The following UBR3 variants were observed in gnomAD, a reference collection of about 807,000 sequenced individuals.
UBR3 encodes the protein E3 ubiquitin-protein ligase UBR3.
In UBR3, 85 loss-of-function variants were observed where a neutral mutation model predicts 243.2. The observed-to-expected ratio is 0.35, with a 90% CI of 0.29 to 0.42. UBR3 has a LOEUF of 0.42. UBR3 is among the 10% of genes least tolerant of loss of function. UBR3 has a pLI of 1.00. For missense variants in UBR3, 1,686 were observed against 2,300.8 expected (o/e 0.73, Z 5.47); for synonymous variants, 748 against 799.8 (o/e 0.94, Z 1.09).
chr2:170,055,343 T>G (rs2091309750), intron 32 of UBR3, 117 bp from the exon 33 acceptor site: 1 of 1,207,506 alleles, frequency 8.3e-7, no homozygotes, highest in Non-Finnish European at 1.2e-6. Flanking sequence ...AAAAAAACTA[T>G]TAAGTGTTGA....
At chr2:169,830,806 T>G (rs2105274509) in intron 1 of UBR3, among the ~76,000 whole-genome samples, 1 of 152,152 alleles carries the variant, frequency 6.6e-6, no homozygotes, top group South Asian at 2.1e-4. Flanking sequence ...TTGGACTGGG[T>G]TAGCATTTAG....
At chr2:169,914,872 GTT>G (rs202002809) in intron 11 of UBR3, among the ~76,000 whole-genome samples, 14,636 of 56,438 alleles carry the variant, frequency 0.26, 889 homozygotes, top group Middle Eastern at 0.36. Flanking sequence ...GTGTGTGTGT[GTT>G]TTTTTTCCTT....
chr2:170,078,094 C>T, intron 36 of UBR3: 1 of 650,452 alleles, frequency 1.5e-6, no homozygotes. Flanking sequence ...TCTTTTCATG[C>T]ATCTTGATGG....
chr2:169,908,495 A>C (rs2085106455), intron 10 of UBR3, among the ~76,000 whole-genome samples: 1 of 152,214 alleles, frequency 6.6e-6, no homozygotes, highest in African/African-American at 2.4e-5. Context: ...TTTATTCAAA[A>C]AATATATGCC....
chr2:169,906,645 A>C lies in UBR3; in HGVS notation c.1779+481A>C, dbSNP rs115326827. 7.8e-3 allele frequency among the ~76,000 whole-genome samples: 1,183 copies of C among 152,226 alleles called. 13 individuals carry two copies. Among genetic ancestry groups the C allele is most frequent in the African/African-American group, 0.026 (1,069 of 41,540 alleles). ...GGAATCCCCTGACCCTATTAAACTA[A>C]AGACTTGACTAAAATTTTGATAATA... On this transcript the variant is annotated intron_variant, in intron 10 of 38. Coordinates refer to ENST00000272793, the MANE Select transcript of UBR3 (RefSeq NM_172070.4).
intron 1 of UBR3, among the ~76,000 whole-genome samples, chr2:169,858,679 A>G (rs1038653699): frequency 2.9e-4 from 44 of 152,028 alleles, no homozygotes; most frequent in Admixed American, 2.6e-3. Context: ...AGCTCACTAC[A>G]ACTTTTGCCT....
At chr2:169,904,858 A>G (rs56323040) in intron 8 of UBR3, among the ~76,000 whole-genome samples, 64,259 of 152,054 alleles carry the variant, frequency 0.42, 15,192 homozygotes, top group Non-Finnish European at 0.54. Flanking sequence ...AATAATTACT[A>G]TAATGATATA....
At chr2:170,078,009 T>C (rs560101730) in intron 36 of UBR3, 1 of 676,142 alleles carries the variant, frequency 1.5e-6, no homozygotes, top group Non-Finnish European at 2.8e-6. Flanking sequence ...GTACGTTAGC[T>C]TGAGGTTGTC....
intron 23 of UBR3, among the ~76,000 whole-genome samples, chr2:169,953,612 T>G (rs1280014801): frequency 6.6e-6 from 1 of 152,244 alleles, no homozygotes; most frequent in Non-Finnish European, 1.5e-5. Context: ...TAATCTCGAT[T>G]AAGAAAACAT....
intron 1 of UBR3, among the ~76,000 whole-genome samples, chr2:169,845,537 T>G (rs1386914380): frequency 2.8e-4 from 42 of 149,222 alleles, no homozygotes; most frequent in Middle Eastern, 3.6e-3. Flanking sequence ...CGTCGTCTTC[T>G]TCTTCTTCTT....
rs1251786542 is a variant in UBR3, at chr2:169,923,933, C to G, written c.1871C>G (p.Ala624Gly). 6.5e-7 allele frequency: 1 copy of G among 1,545,498 alleles called. No individual in the cohort carries two copies. The highest frequency in any genetic ancestry group is 2.5e-5 in the East Asian group (1 of 40,784). The change falls in exon 12 of 39, where the codon GCA becomes GGA. Residue 624 changes from alanine (A) to glycine (G), a missense_variant. Physicochemically the swap from Ala to Gly is moderately conservative, Grantham distance 60. This residue lies in a region of UBR3 where 346 missense variants were observed against 585.8 expected (regional missense o/e 0.59). Transcript: ENST00000272793. ...FDAINFVDEPAPNQVTFHLPL... is the reference protein window; with the variant it reads ...FDAINFVDEPGPNQVTFHLPL... Reference sequence around the variant, plus strand: ...CATTTTGTTTGTTTATTCCAGCCAGCACCTAACCAAGTCACTTTTCATCTG... The same window carrying G: ...CATTTTGTTTGTTTATTCCAGCCAGGACCTAACCAAGTCACTTTTCATCTG...
At chr2:169,928,007 G>A (rs969683268) in intron 17 of UBR3, among the ~76,000 whole-genome samples, 19 of 152,094 alleles carry the variant, frequency 1.2e-4, no homozygotes, top group Non-Finnish European at 4.4e-5. Flanking sequence ...AATTCTGGCC[G>A]AATTTAGTAT....
chr2:170,052,846 C>T (rs1003789201), intron 32 of UBR3, among the ~76,000 whole-genome samples: 2 of 152,172 alleles, frequency 1.3e-5, no homozygotes, highest in African/African-American at 4.8e-5. Flanking sequence ...TCTCAGTGCA[C>T]ACACATACAC....
chr2:170,024,096 G>A (rs2090463131), intron 30 of UBR3, among the ~76,000 whole-genome samples: 2 of 152,102 alleles, frequency 1.3e-5, no homozygotes, highest in South Asian at 2.1e-4. Context: ...TTTCTTGCAT[G>A]TTTAGAAATA....
chr2:169,884,278 G>A (rs186998958), intron 5 of UBR3, among the ~76,000 whole-genome samples: 1,773 of 150,898 alleles, frequency 0.012, 50 homozygotes, highest in African/African-American at 0.04. Context: ...TCAGCCTCCC[G>A]AGTAGCTGGG....
At chr2:170,074,808 C>T (rs1371068048) in intron 36 of UBR3, among the ~76,000 whole-genome samples, 1 of 151,986 alleles carries the variant, frequency 6.6e-6, no homozygotes, top group Non-Finnish European at 1.5e-5. Flanking sequence ...TTGCCATGTT[C>T]ATTACATTTG....
At chr2:169,920,210 G>T (rs1031497057) in intron 11 of UBR3, among the ~76,000 whole-genome samples, 1 of 152,060 alleles carries the variant, frequency 6.6e-6, no homozygotes, top group African/African-American at 2.4e-5. Context: ...GCAAACTATT[G>T]CAAGGACAAA....
rs184887898 is a variant in UBR3, at chr2:170,059,764, C to T, written c.4786-1315C>T. On this transcript the variant is annotated intron_variant, in intron 33 of 38. Coordinates refer to ENST00000272793, the MANE Select transcript of UBR3 (RefSeq NM_172070.4). ...ATACTACATGGCTGAGTGAATATGG[C>T]GGAAAGCACAGGAGCAATTTAAAGA... 1.2e-3 allele frequency among the ~76,000 whole-genome samples: 186 copies of T among 151,762 alleles called. 3 individuals carry two copies. Among genetic ancestry groups the T allele is most frequent in the Non-Finnish European group, 3.2e-4 (22 of 67,946 alleles).
At chr2:169,858,239 G>T (rs143188516) in intron 1 of UBR3, among the ~76,000 whole-genome samples, 168 of 152,256 alleles carry the variant, frequency 1.1e-3, no homozygotes, top group African/African-American at 3.9e-3. Context: ...TTCTAAGTGG[G>T]TTACTCACAT....
Sources: gnomAD v4.1 joint callset for allele counts (sites outside exome capture counted in the v4.1 genomes callset) on GRCh38, gnomAD v4.1.1 for gene constraint, gnomAD v4.1.1 regional missense constraint, MANE v1.5 for transcripts, NCBI Gene and HGNC (gene_info 2026-07-23, HGNC 2026-07-21) for gene names.